The following ZNF385B variants were observed in gnomAD, a reference collection of about 807,000 sequenced individuals.
ZNF385B encodes the protein zinc finger protein 533.
In ZNF385B, 23 loss-of-function variants were observed where a neutral mutation model predicts 39.2. The observed-to-expected ratio is 0.59, with a 90% confidence interval of 0.42 to 0.83. The LOEUF is 0.83. Ranked by LOEUF, ZNF385B falls within the 40% of genes least tolerant of loss-of-function variation. The probability of loss-of-function intolerance (pLI) is 0.00; values close to 1 mark genes in which losing one functional copy is unlikely to be tolerated. For missense variants in ZNF385B, 552 were observed against 598.9 expected (o/e 0.92, Z 0.82); for synonymous variants, 205 against 222.6 (o/e 0.92, Z 0.70).
At chr2:179,710,086 C>T (rs1056898979) in intron 3 of ZNF385B, among the ~76,000 whole-genome samples, 5 of 152,234 alleles carry the variant, frequency 3.3e-5, no homozygotes, top group Admixed American at 1.3e-4. Context: ...AATGGATGAA[C>T]GGACTGTTGA....
chr2:179,480,197 C>T (rs1258667607), intron 6 of ZNF385B, among the ~76,000 whole-genome samples: 3 of 152,114 alleles, frequency 2.0e-5, no homozygotes, highest in African/African-American at 7.2e-5. Context: ...ACTCTTCATT[C>T]AGAAGAAAAA....
intron 1 of ZNF385B, among the ~76,000 whole-genome samples, chr2:179,781,351 A>G (rs1575479669): frequency 6.6e-6 from 1 of 152,150 alleles, no homozygotes; most frequent in South Asian, 2.1e-4. Flanking sequence ...ACCGACATAC[A>G]TATATTCACC....
chr2:179,785,154 A>G (rs1704917155), intron 1 of ZNF385B, among the ~76,000 whole-genome samples: 1 of 152,134 alleles, frequency 6.6e-6, no homozygotes, highest in Non-Finnish European at 1.5e-5. Flanking sequence ...TAAAGCATGA[A>G]AACATGTAAA....
chr2:179,598,118 C>T (rs1217900168), intron 3 of ZNF385B, among the ~76,000 whole-genome samples: 1 of 151,910 alleles, frequency 6.6e-6, no homozygotes, highest in African/African-American at 2.4e-5. Context: ...AAGACATACT[C>T]AATGAATACA....
rs781203667 is a variant in ZNF385B, at chr2:179,494,321, T to A, written c.553-10887A>T. Among the ~76,000 whole-genome samples the A allele has an allele frequency of 1.3e-5, 2 of 152,088 alleles. 1 individual carries two copies. The highest frequency in any genetic ancestry group is 2.9e-5 in the Non-Finnish European group (2 of 68,004). ...AAGAGCAACCTTGTTTGGCTTCCAT[T>A]TATTAAAGGATCACTTTGGTTGCTG... On this transcript the variant is annotated intron_variant, in intron 5 of 9. Coordinates refer to ENST00000410066, the MANE Select transcript of ZNF385B (RefSeq NM_152520.6).
At chr2:179,666,415 C>T (rs902410216) in intron 3 of ZNF385B, among the ~76,000 whole-genome samples, 1 of 152,110 alleles carries the variant, frequency 6.6e-6, no homozygotes, top group African/African-American at 2.4e-5. Flanking sequence ...AGATAATTCA[C>T]ACATATAAAT....
chr2:179,633,268 C>A (rs1219081846), intron 3 of ZNF385B, among the ~76,000 whole-genome samples: 2 of 152,104 alleles, frequency 1.3e-5, no homozygotes, highest in African/African-American at 4.8e-5. Flanking sequence ...AATTTTAGAC[C>A]AATCTCCCTG....
At chr2:179,478,299 G>A (rs1214829772) in intron 6 of ZNF385B, among the ~76,000 whole-genome samples, 1 of 152,190 alleles carries the variant, frequency 6.6e-6, no homozygotes, top group Non-Finnish European at 1.5e-5. Context: ...GGCGACAAAT[G>A]TCCTTCTGTT....
chr2:179,749,314 C>T (rs1032109289), intron 3 of ZNF385B, among the ~76,000 whole-genome samples: 3 of 152,102 alleles, frequency 2.0e-5, no homozygotes, highest in Non-Finnish European at 4.4e-5. Flanking sequence ...AGTGTGTTAA[C>T]ATTATGTGTG....
At chr2:179,507,103 T>A (rs978027008) in intron 5 of ZNF385B, among the ~76,000 whole-genome samples, 8 of 152,122 alleles carry the variant, frequency 5.3e-5, no homozygotes, top group South Asian at 4.1e-4. Flanking sequence ...TTCATTTTTT[T>A]AAAAAAAGAT....
intron 3 of ZNF385B, among the ~76,000 whole-genome samples, chr2:179,756,557 A>G (rs375033599): frequency 3.9e-5 from 6 of 152,304 alleles, no homozygotes; most frequent in African/African-American, 1.4e-4. Context: ...TCTCCTGGAT[A>G]ATATCCTGAA....
At chr2:179,764,490 T>C (rs1476254074) in intron 3 of ZNF385B, among the ~76,000 whole-genome samples, 1 of 152,192 alleles carries the variant, frequency 6.6e-6, no homozygotes, top group Non-Finnish European at 1.5e-5. Context: ...ATTTGCTTTC[T>C]GTTTTTTCCT....
rs975048879 is a variant in ZNF385B, at chr2:179,486,803, C to A, written c.553-3369G>T. Reference sequence around the variant, plus strand: ...TGATGGCACATGCCTGTAGTCCCAACTTCTTGTGGGGAGGAGGTGGGTGGA... The same window carrying A: ...TGATGGCACATGCCTGTAGTCCCAAATTCTTGTGGGGAGGAGGTGGGTGGA... On this transcript the variant is annotated intron_variant, in intron 5 of 9. Coordinates refer to ENST00000410066, the MANE Select transcript of ZNF385B (RefSeq NM_152520.6). Among the ~76,000 whole-genome samples, 55 of 152,218 alleles carry A rather than the reference C, an allele frequency of 3.6e-4. 1 individual carries two copies. Among genetic ancestry groups the A allele is most frequent in the East Asian group, 5.8e-4 (3 of 5,162 alleles).
chr2:179,525,259 C>T (rs1349071929), intron 4 of ZNF385B, among the ~76,000 whole-genome samples: 1 of 152,150 alleles, frequency 6.6e-6, no homozygotes, highest in Non-Finnish European at 1.5e-5. Context: ...AGGTTGCTGC[C>T]TACACAAACC....
At chr2:179,587,715 T>A (rs1350491905) in intron 3 of ZNF385B, among the ~76,000 whole-genome samples, 1 of 152,140 alleles carries the variant, frequency 6.6e-6, no homozygotes. Flanking sequence ...AAAATGCACA[T>A]GTCCTACAGA....
chr2:179,585,879 C>G (rs1687027160), intron 3 of ZNF385B: 1 of 152,210 alleles, frequency 6.6e-6, no homozygotes, highest in African/African-American at 2.4e-5. Context: ...TTTGCCAAGC[C>G]TTTGCCATAC....
chr2:179,599,822 G>C (rs1483765708), intron 3 of ZNF385B, among the ~76,000 whole-genome samples: 1 of 152,146 alleles, frequency 6.6e-6, no homozygotes, highest in Non-Finnish European at 1.5e-5. Flanking sequence ...TGATGACTTA[G>C]TAAAAAATAG....
chr2:179,449,248 G>A (rs1430978051), intron 6 of ZNF385B, among the ~76,000 whole-genome samples: 2 of 152,030 alleles, frequency 1.3e-5, no homozygotes, highest in Admixed American at 6.6e-5. Context: ...GATTACTTCC[G>A]CTTGGGAAGA....
intron 3 of ZNF385B, among the ~76,000 whole-genome samples, chr2:179,656,956 GT>G (rs1693842502): frequency 6.6e-6 from 1 of 152,092 alleles, no homozygotes; most frequent in African/African-American, 2.4e-5. Context: ...TTAGCTTAAA[GT>G]TTTTCAGTGT....
Sources: gnomAD v4.1 joint callset for allele counts (sites outside exome capture counted in the v4.1 genomes callset) on GRCh38, gnomAD v4.1.1 for gene constraint, MANE v1.5 for transcripts, NCBI Gene and HGNC (gene_info 2026-07-23, HGNC 2026-07-21) for gene names.